Variants in PRICKLE1 observed in about 807,000 individuals in gnomAD.
The protein encoded by PRICKLE1 is prickle planar cell polarity protein 1.
In PRICKLE1, 14 loss-of-function variants were observed where a neutral mutation model predicts 70.2. The observed-to-expected ratio is 0.20, with a 90% CI of 0.13 to 0.31. The LOEUF is 0.31. Among genes scored for constraint, PRICKLE1 ranks in the 10% least tolerant of loss-of-function variants. The probability of loss-of-function intolerance (pLI) is 1.00; values close to 1 mark genes in which losing one functional copy is unlikely to be tolerated. For synonymous variants in PRICKLE1, 357 were observed against 379.9 expected (o/e 0.94, Z 0.70); for missense variants, 821 against 1,026.2 (o/e 0.80, Z 2.73).
In PRICKLE1 at chr12:42,458,408, A is replaced by T. The variant is rs1937655247; in HGVS notation, c.*1401T>A. The T allele has an allele frequency of 6.6e-6, 1 of 152,256 alleles. No homozygotes were observed. The highest frequency in any genetic ancestry group is 1.5e-5 in the Non-Finnish European group (1 of 68,046). The allele number at this position is 152,256 out of a possible 1,614,324, so 9.4% of individuals were successfully genotyped here. A position where few individuals can be genotyped will look rare whatever the true frequency, so the allele number is the denominator to read the frequency against. On this transcript the variant is annotated 3_prime_UTR_variant, in exon 8 of 8. Transcript: ENST00000345127. The stretch of plus-strand genomic sequence containing the variant: ...TGCCTCCCTAAAGGTCCTGGATGCC[A>T]CTAGAACCTTTAGTTAGGACTGAGA...
chr12:42,569,371 G>A (rs1940671418), intron 1 of PRICKLE1, among the ~76,000 whole-genome samples: 1 of 152,178 alleles, frequency 6.6e-6, no homozygotes, highest in Non-Finnish European at 1.5e-5. Context: ...AATTCATTCA[G>A]AACAGACATG....
chr12:42,537,867 T>C (rs1183936047), intron 1 of PRICKLE1, among the ~76,000 whole-genome samples: 1 of 152,146 alleles, frequency 6.6e-6, no homozygotes, highest in East Asian at 1.9e-4. Flanking sequence ...AACCAAACAA[T>C]CGTGTAACAG....
rs1938041401 is a variant in PRICKLE1 at position 42,465,108 on chromosome 12, C to T, written c.926G>A (p.Gly309Asp). The T allele has an allele frequency of 6.4e-7, 1 of 1,568,728 alleles. No individual in the cohort carries two copies. Among genetic ancestry groups the T allele is most frequent in the Non-Finnish European group, 8.6e-7 (1 of 1,161,878 alleles). Residue 309 changes from glycine to aspartate, a missense_variant, in exon 7 of 8, where the codon GGT becomes GAT. Transcript: ENST00000345127. ...AGAATCAGAGGCATGGACGTCTTCA[C>T]CAAGACTGCACGTTTTTGAGCAGTA... Reference protein sequence around the residue: ...QIYCSKTCSLGEDVHASDSSD... With the variant: ...QIYCSKTCSLDEDVHASDSSD...
At chr12:42,535,780 T>A (rs1478686221) in intron 1 of PRICKLE1, among the ~76,000 whole-genome samples, 1 of 152,184 alleles carries the variant, frequency 6.6e-6, no homozygotes, top group African/African-American at 2.4e-5. Context: ...TGAGAACCTG[T>A]CTATTTAACA....
intron 1 of PRICKLE1, among the ~76,000 whole-genome samples, chr12:42,571,251 C>A (rs1041622327): frequency 6.6e-6 from 1 of 151,626 alleles, no homozygotes; most frequent in Non-Finnish European, 1.5e-5. Flanking sequence ...AAGAAAAAAA[C>A]GCAAATATTT....
chr12:42,527,901 A>C (rs1939832593), intron 1 of PRICKLE1, among the ~76,000 whole-genome samples: 1 of 140,922 alleles, frequency 7.1e-6, no homozygotes, highest in Non-Finnish European at 1.5e-5. Context: ...ACTGGAGTTT[A>C]TATATACTCT....
At chr12:42,465,416 T>G in intron 6 of PRICKLE1, 158 bp from the exon 7 acceptor site, 1 of 687,558 alleles carries the variant, frequency 1.5e-6, no homozygotes, top group Non-Finnish European at 2.4e-6. Flanking sequence ...GATTCTGTAT[T>G]TGTGAGTGTG....
In PRICKLE1 at chr12:42,589,387, A is replaced by T. The variant is rs1941040614; in HGVS notation, c.-49+78T>A. The stretch of plus-strand genomic sequence containing the variant: ...GGTGCCAGCGAAGGTGCCCGGCCCT[A>T]CCCCTGCGGCGCTCGCCCCCCACCA... On this transcript the variant is annotated intron_variant, in intron 1 of 7. Coordinates refer to ENST00000345127, the MANE Select transcript of PRICKLE1 (RefSeq NM_153026.3). This position sits in a 1 kb window ranked among gnomAD's most constrained non-coding sequence, Gnocchi z 5.0. 1 of 151,900 alleles carries T rather than the reference A, an allele frequency of 6.6e-6. No individual in the cohort carries two copies. The allele number at this position is 151,900 out of a possible 1,614,324, so 9.4% of individuals were successfully genotyped here. A position where few individuals can be genotyped will look rare whatever the true frequency, so the allele number is the denominator to read the frequency against.
rs1938265472 is a variant in PRICKLE1 at position 42,470,298 on chromosome 12, T to A, written c.194A>T (p.Glu65Val). 1 of 1,614,136 alleles carries A rather than the reference T, an allele frequency of 6.2e-7. No homozygotes were observed. Among genetic ancestry groups the A allele is most frequent in the East Asian group, 2.2e-5 (1 of 44,888 alleles). Residue 65 changes from glutamate to valine, a missense_variant, in exon 3 of 8, where the codon GAG becomes GTG. Transcript: ENST00000345127. Reference sequence around the variant, plus strand: ...CAAAAGCTGTTTAATCCGATGCTTCTCTCCGGGGCTGTTAACGTAAGGAAC... The same window carrying A: ...CAAAAGCTGTTTAATCCGATGCTTCACTCCGGGGCTGTTAACGTAAGGAAC... Reference protein sequence around the residue: ...EKVPYVNSPGEKHRIKQLLYQ... With the variant: ...EKVPYVNSPGVKHRIKQLLYQ...
Position 42,577,298 on chromosome 12 carries a change from ATT to A in PRICKLE1, c.-49+12165_-49+12166del, listed in dbSNP as rs369780531. ...ATAATTTGCTCTGTAATATCACTGC[ATT>A]TTTTTTTTTTAGCTGTCACATTGAA... On this transcript the variant is annotated intron_variant, in intron 1 of 7. Transcript: ENST00000345127. Among the ~76,000 whole-genome samples, 552 of 146,606 alleles carry A rather than the reference ATT, an allele frequency of 3.8e-3. 7 individuals are homozygous for A. The highest frequency in any genetic ancestry group is 0.035 in the East Asian group (178 of 5,094).
chr12:42,539,607 A>C (rs138016149), intron 1 of PRICKLE1, among the ~76,000 whole-genome samples: 6 of 152,280 alleles, frequency 3.9e-5, no homozygotes, highest in African/African-American at 1.4e-4. Context: ...AATTCTTATG[A>C]TGGCTTTCCA....
At chr12:42,516,773 C>G (rs1433299115) in intron 1 of PRICKLE1, among the ~76,000 whole-genome samples, 5 of 152,060 alleles carry the variant, frequency 3.3e-5, no homozygotes, top group African/African-American at 1.2e-4. Context: ...TGGGAAACCC[C>G]CAAAGTCAGA....
At chr12:42,539,483 A>G (rs1418887494) in intron 1 of PRICKLE1, among the ~76,000 whole-genome samples, 3 of 151,784 alleles carry the variant, frequency 2.0e-5, no homozygotes, top group African/African-American at 7.2e-5. Context: ...AAAAAAAAAA[A>G]GTAATACAAC....
intron 1 of PRICKLE1, among the ~76,000 whole-genome samples, chr12:42,512,375 T>C (rs1278999324): frequency 6.6e-6 from 1 of 152,094 alleles, no homozygotes; most frequent in African/African-American, 2.4e-5. Context: ...GGTTTCACCA[T>C]GTTGGACAGG....
At chr12:42,485,969 G>A (rs975625198) in intron 1 of PRICKLE1, among the ~76,000 whole-genome samples, 1 of 152,200 alleles carries the variant, frequency 6.6e-6, no homozygotes, top group African/African-American at 2.4e-5. Flanking sequence ...ACTTTAGTCT[G>A]GTCTGAAAGG....
chr12:42,468,351 A>G (rs1938182622), intron 5 of PRICKLE1, among the ~76,000 whole-genome samples: 1 of 152,246 alleles, frequency 6.6e-6, no homozygotes, highest in Non-Finnish European at 1.5e-5. Context: ...CACTGAAGAC[A>G]TAATACTTAT....
chr12:42,565,880 T>G (rs1940613140), intron 1 of PRICKLE1, among the ~76,000 whole-genome samples: 1 of 152,154 alleles, frequency 6.6e-6, no homozygotes, highest in Non-Finnish European at 1.5e-5. Flanking sequence ...AGTCTCCTGC[T>G]TTGAAGTCTG....
chr12:42,487,786 C>G (rs1445972624), intron 1 of PRICKLE1, among the ~76,000 whole-genome samples: 5 of 152,214 alleles, frequency 3.3e-5, no homozygotes, highest in Admixed American at 2.6e-4. Flanking sequence ...TGGCCCACAC[C>G]TATAATCCCG....
At chr12:42,499,087 T>G (rs1043714234) in intron 1 of PRICKLE1, among the ~76,000 whole-genome samples, 12 of 152,198 alleles carry the variant, frequency 7.9e-5, no homozygotes, top group African/African-American at 2.9e-4. Context: ...TAGTGCCAAA[T>G]GAACCTCTCT....
Sources: gnomAD v4.1 joint callset for allele counts (sites outside exome capture counted in the v4.1 genomes callset) on GRCh38, gnomAD v4.1.1 for gene constraint, Gnocchi (gnomAD v3.1) non-coding constraint, MANE v1.5 for transcripts, NCBI Gene and HGNC (gene_info 2026-07-23, HGNC 2026-07-21) for gene names.